Variants in PRDM1 observed in about 807,000 individuals in gnomAD.
The protein encoded by PRDM1 is PR/SET domain 1, also known as PR domain zinc finger protein 1.
Under a neutral mutation model 62.8 loss-of-function variants are expected in PRDM1, and 13 were observed. The ratio of observed to expected loss-of-function variants is 0.21; its 90% CI spans 0.13 to 0.33. PRDM1 has a LOEUF of 0.33. PRDM1 is among the 10% of genes least tolerant of loss of function. The pLI is 1.00. For missense variants in PRDM1, 895 were observed against 1,058.8 expected (o/e 0.85, Z 2.15); for synonymous variants, 396 against 417.6 (o/e 0.95, Z 0.63).
At chr6:106,074,844 C>T (rs993345445) in intron 1 of PRDM1, among the ~76,000 whole-genome samples, 25 of 152,144 alleles carry the variant, frequency 1.6e-4, no homozygotes, top group African/African-American at 4.1e-4. Flanking sequence ...CATAGTGGCA[C>T]GCGCCTGTGT....
At chr6:106,069,354 G>A (rs997265604) in intron 1 of PRDM1, among the ~76,000 whole-genome samples, 1 of 152,022 alleles carries the variant, frequency 6.6e-6, no homozygotes, top group Non-Finnish European at 1.5e-5. Context: ...AAAAATCAAA[G>A]TTATCAAAAT....
At chr6:106,008,202 C>G (rs988744671) in intron 1 of PRDM1, among the ~76,000 whole-genome samples, 6 of 152,166 alleles carry the variant, frequency 3.9e-5, no homozygotes, top group South Asian at 4.1e-4. Flanking sequence ...GAAACTCCAT[C>G]TCTACTAAAA....
chr6:105,993,091 T>C (rs75699629), upstream of PRDM1, among the ~76,000 whole-genome samples: 2,652 of 152,336 alleles, frequency 0.017, 25 homozygotes, highest in African/African-American at 0.034. Context: ...CATTTAGCTC[T>C]CGCAAAACTG....
chr6:106,018,179 AT>A (rs1175890066), intron 1 of PRDM1, among the ~76,000 whole-genome samples: 4 of 152,212 alleles, frequency 2.6e-5, no homozygotes, highest in Admixed American at 2.6e-4. Flanking sequence ...TAAAAAAAAA[AT>A]AAAGCTAGAA....
intron 1 of PRDM1, among the ~76,000 whole-genome samples, chr6:106,000,568 A>G (rs1463478104): frequency 6.9e-6 from 1 of 145,844 alleles, no homozygotes; most frequent in Non-Finnish European, 1.5e-5. Flanking sequence ...GGTTATTTCC[A>G]TGTATGTTTT....
At chr6:106,003,865 T>C (rs1772455197) in intron 1 of PRDM1, among the ~76,000 whole-genome samples, 1 of 152,218 alleles carries the variant, frequency 6.6e-6, no homozygotes, top group African/African-American at 2.4e-5. Context: ...TTTGTGTGCC[T>C]GTATTCCAGT....
intron 1 of PRDM1, among the ~76,000 whole-genome samples, chr6:106,051,899 TTAA>T (rs1289872289): frequency 6.6e-6 from 1 of 152,216 alleles, no homozygotes; most frequent in Non-Finnish European, 1.5e-5. Flanking sequence ...CACGAAAAAA[TTAA>T]TGTTATGCTA....
rs984105959 is a variant in PRDM1, at chr6:106,020,783, A to G, written c.-67+27144A>G. Among the ~76,000 whole-genome samples the G allele has an allele frequency of 2.0e-5, 3 of 152,350 alleles. No homozygotes were observed. The East Asian group carries it at 5.8e-4, about 29-fold the overall frequency. Reference sequence around the variant, plus strand: ...GCATTCCACATGAAACTACTTTTCTATGACTTATGTAATTTATAAATTGAT... The same window carrying G: ...GCATTCCACATGAAACTACTTTTCTGTGACTTATGTAATTTATAAATTGAT... On this transcript the variant is annotated intron_variant, in intron 1 of 6. Coordinates refer to the PRDM1 transcript ENST00000652320.
chr6:106,059,646 G>T (rs751772496), intron 1 of PRDM1, among the ~76,000 whole-genome samples: 4 of 152,192 alleles, frequency 2.6e-5, no homozygotes, highest in Non-Finnish European at 5.9e-5. Context: ...TGTAGATGAA[G>T]AATACATGGT....
In PRDM1 at chr6:106,107,407, T is replaced by C. The variant is rs572298949; in HGVS notation, c.2399T>C (p.Met800Thr). 2.2e-5 allele frequency: 36 copies of C among 1,614,120 alleles called. No individual in the cohort carries two copies. Among genetic ancestry groups the C allele is most frequent in the Non-Finnish European group, 3.0e-5 (35 of 1,180,020 alleles). ...SLYESSDLPL[M>T]KLPPSNPLPL... ...TATGAGTCATCAGATCTACCCCTCATGAAGTTGCCTCCCAGCAACCCACTA... is the reference window on the plus strand; with the variant it reads ...TATGAGTCATCAGATCTACCCCTCACGAAGTTGCCTCCCAGCAACCCACTA... Residue 800 changes from methionine to threonine, a missense_variant, in exon 7 of 7, where the codon ATG becomes ACG. Physicochemically the swap from Met to Thr is moderately conservative, Grantham distance 81. Coordinates refer to ENST00000369096, the MANE Select transcript of PRDM1 (RefSeq NM_001198.4).
intron 1 of PRDM1, among the ~76,000 whole-genome samples, chr6:106,066,939 G>A (rs543229808): frequency 1.3e-5 from 2 of 152,166 alleles, no homozygotes; most frequent in Admixed American, 6.5e-5. Context: ...GCCCTTTTCC[G>A]GATGCTTCAT....
At chr6:106,071,753 G>A (rs973936645) in intron 1 of PRDM1, among the ~76,000 whole-genome samples, 2 of 149,990 alleles carry the variant, frequency 1.3e-5, no homozygotes, top group Non-Finnish European at 3.0e-5. Context: ...CCATTCCTGG[G>A]AATGTTCCAC....
intron 1 of PRDM1, among the ~76,000 whole-genome samples, chr6:106,016,957 G>T (rs1344562449): frequency 2.6e-5 from 4 of 152,164 alleles, no homozygotes; most frequent in Non-Finnish European, 4.4e-5. Context: ...TGGCCGCACA[G>T]ATGTTTTTCA....
rs1054928056 is a variant in PRDM1 at position 105,994,119 on chromosome 6, A to G, written c.-67+480A>G. Among the ~76,000 whole-genome samples, 1 of 152,140 alleles carries G rather than the reference A, an allele frequency of 6.6e-6. No homozygotes were observed. Among genetic ancestry groups the G allele is most frequent in the Non-Finnish European group, 1.5e-5 (1 of 68,014 alleles). ...GCCCAAAGTTTTAAAAAGCGCGGGG[A>G]CGGTGGAGAGGGAGGCGAAGAGCCC... On this transcript the variant is annotated intron_variant, in intron 1 of 6. Transcript: ENST00000652320. This position sits in a 1 kb window ranked among gnomAD's most constrained non-coding sequence, Gnocchi z 4.1.
At chr6:106,002,714 G>A (rs1772441020) in intron 1 of PRDM1, among the ~76,000 whole-genome samples, 1 of 152,118 alleles carries the variant, frequency 6.6e-6, no homozygotes, top group South Asian at 2.1e-4. Flanking sequence ...AAGAAAAAAT[G>A]ATATTTGAGG....
intron 1 of PRDM1, among the ~76,000 whole-genome samples, chr6:106,057,534 A>AT (rs1201615943): frequency 5.3e-5 from 8 of 151,852 alleles, no homozygotes; most frequent in Non-Finnish European, 7.4e-5. Flanking sequence ...TTGTTGGGGT[A>AT]TTTTTTTTCC....
intron 1 of PRDM1, among the ~76,000 whole-genome samples, chr6:106,041,811 T>G (rs918250604): frequency 1.5e-5 from 1 of 67,692 alleles, no homozygotes; most frequent in African/African-American, 4.6e-5. Context: ...ATTTCTTTCT[T>G]TTTTTTTTTT....
intron 1 of PRDM1, among the ~76,000 whole-genome samples, chr6:106,080,942 T>A (rs1773684661): frequency 6.6e-6 from 1 of 152,182 alleles, no homozygotes; most frequent in Non-Finnish European, 1.5e-5. Flanking sequence ...GGTGCCTGCT[T>A]GAAGGAAACA....
At chr6:106,010,827 G>A (rs527361977) in intron 1 of PRDM1, among the ~76,000 whole-genome samples, 20 of 152,262 alleles carry the variant, frequency 1.3e-4, no homozygotes, top group African/African-American at 2.4e-5. Flanking sequence ...CGATGACCTC[G>A]AGCCTTTCCC....
Sources: allele counts gnomAD v4.1 joint callset (sites outside exome capture counted in the v4.1 genomes callset), GRCh38; gene constraint gnomAD v4.1.1; non-coding constraint Gnocchi (gnomAD v3.1); transcripts MANE v1.5; gene names NCBI Gene and HGNC (gene_info 2026-07-23, HGNC 2026-07-21).